SHISA9: variants seen among roughly 807,000 people sequenced by gnomAD.
SHISA9 encodes the protein protein shisa-9.
In SHISA9, 13 loss-of-function variants were observed where a neutral mutation model predicts 38.0. The ratio of observed to expected loss-of-function variants is 0.34; its 90% CI spans 0.22 to 0.54. The LOEUF (loss-of-function observed/expected upper bound fraction) is 0.54. SHISA9 is among the 20% of genes least tolerant of loss of function. The probability of loss-of-function intolerance (pLI) is 0.91; values close to 1 mark genes in which losing one functional copy is unlikely to be tolerated. For missense variants in SHISA9, 538 were observed against 575.8 expected, an observed-to-expected ratio of 0.93 and a Z score of 0.67; for synonymous variants, 275 against 242.0, an observed-to-expected ratio of 1.14 and a Z score of -1.27.
the SHISA9 span, among the ~76,000 whole-genome samples, chr16:13,426,970 C>T: frequency 2.0e-5 from 3 of 152,154 alleles, no homozygotes; most frequent in Non-Finnish European, 1.5e-5. Flanking sequence ...GGCTTAAAAT[C>T]GGAAAGGTTT....
the SHISA9 span, among the ~76,000 whole-genome samples, chr16:13,445,461 C>T: frequency 6.6e-6 from 1 of 152,042 alleles, no homozygotes; most frequent in African/African-American, 2.4e-5. Flanking sequence ...TAAATATTTG[C>T]AGAAAGAACG....
At chr16:13,369,208 T>C in the SHISA9 span, among the ~76,000 whole-genome samples, 1 of 152,194 alleles carries the variant, frequency 6.6e-6, no homozygotes, top group Non-Finnish European at 1.5e-5. Flanking sequence ...TATTTCCGTA[T>C]ATAGAAAGGA....
chr16:13,102,398 T>C (rs927369014), intron 2 of SHISA9, among the ~76,000 whole-genome samples: 18 of 152,180 alleles, frequency 1.2e-4, no homozygotes, highest in Non-Finnish European at 5.9e-5. Context: ...AGAGGTTGAC[T>C]TTCTTCTCTT....
chr16:13,137,461 A>AT (rs576067141), intron 2 of SHISA9, among the ~76,000 whole-genome samples: 5,238 of 144,640 alleles, frequency 0.036, 124 homozygotes, highest in Non-Finnish European at 0.051. Flanking sequence ...TAATCTTTTT[A>AT]TTTTTTTTTT....
the SHISA9 span, among the ~76,000 whole-genome samples, chr16:13,252,299 C>T: frequency 6.6e-6 from 1 of 152,136 alleles, no homozygotes; most frequent in Admixed American, 6.5e-5. Flanking sequence ...ATGTCGTATC[C>T]CTCCTCCAGG....
chr16:13,412,244 C>T, the SHISA9 span, among the ~76,000 whole-genome samples: 1 of 152,108 alleles, frequency 6.6e-6, no homozygotes, highest in East Asian at 1.9e-4. Context: ...AGACTGTCCA[C>T]AGATGCTAAA....
intron 2 of SHISA9, among the ~76,000 whole-genome samples, chr16:12,930,097 T>C (rs2071444200): frequency 6.6e-6 from 1 of 152,198 alleles, no homozygotes; most frequent in African/African-American, 2.4e-5. Flanking sequence ...CTTTCACATT[T>C]TCCCCACAAC....
chr16:13,418,891 G>A, the SHISA9 span, among the ~76,000 whole-genome samples: 1 of 152,238 alleles, frequency 6.6e-6, no homozygotes, highest in Non-Finnish European at 1.5e-5. Flanking sequence ...ACAGCACATT[G>A]CACCTTCCTT....
At chr16:13,167,449 C>A (rs942905976) in intron 2 of SHISA9, among the ~76,000 whole-genome samples, 2 of 152,188 alleles carry the variant, frequency 1.3e-5, no homozygotes, top group African/African-American at 4.8e-5. Flanking sequence ...CCTCCCTTGA[C>A]TTGTGCCTCT....
chr16:13,490,641 C>T, the SHISA9 span, among the ~76,000 whole-genome samples: 20 of 152,278 alleles, frequency 1.3e-4, no homozygotes, highest in Middle Eastern at 3.4e-3. Context: ...CCTCTGGAAA[C>T]GACAGGCTTT....
At chr16:12,991,205 A>G (rs912276391) in intron 2 of SHISA9, among the ~76,000 whole-genome samples, 6 of 148,932 alleles carry the variant, frequency 4.0e-5, no homozygotes, top group Non-Finnish European at 6.1e-5. Flanking sequence ...CCATTTTTCT[A>G]CTGAAGTTGT....
chr16:13,286,614 C>T, the SHISA9 span, among the ~76,000 whole-genome samples: 1 of 152,102 alleles, frequency 6.6e-6, no homozygotes, highest in South Asian at 2.1e-4. Flanking sequence ...AGAAGAAACA[C>T]GTCATCTGCA....
chr16:12,970,501 T>A (rs868568456), intron 2 of SHISA9, among the ~76,000 whole-genome samples: 79 of 24,896 alleles, frequency 3.2e-3, no homozygotes, highest in African/African-American at 6.0e-3. Context: ...ATATATATTT[T>A]TTTTTTTTTT....
At chr16:13,562,908 TAAAA>T in the SHISA9 span, 4 of 145,208 alleles carry the variant, frequency 2.8e-5, no homozygotes, top group African/African-American at 1.0e-4. Flanking sequence ...AAATAAAAAT[TAAAA>T]AAAAAAAGCT....
At chr16:13,285,269 C>T in the SHISA9 span, among the ~76,000 whole-genome samples, 37 of 152,152 alleles carry the variant, frequency 2.4e-4, no homozygotes, top group African/African-American at 8.9e-4. Flanking sequence ...GTTTACTGTA[C>T]TTTGAAATTC....
chr16:13,458,522 C>A, the SHISA9 span: 1 of 418,388 alleles, frequency 2.4e-6, no homozygotes. Context: ...TCAACAATGG[C>A]TGAAGAACTA....
the SHISA9 span, among the ~76,000 whole-genome samples, chr16:13,334,773 C>CAAA: frequency 1.2e-4 from 12 of 97,610 alleles, no homozygotes; most frequent in South Asian, 7.2e-4. Context: ...GACTCCATCT[C>CAAA]AAAAAAAAAA....
chr16:13,425,712 C>T, the SHISA9 span, among the ~76,000 whole-genome samples: 2 of 152,216 alleles, frequency 1.3e-5, no homozygotes, highest in Non-Finnish European at 2.9e-5. Context: ...AAGAACCACT[C>T]ATTCACATGA....
At chr16:13,514,239 C>T in the SHISA9 span, among the ~76,000 whole-genome samples, 10 of 151,948 alleles carry the variant, frequency 6.6e-5, no homozygotes, top group African/African-American at 9.6e-5. Flanking sequence ...GTGACCTGCC[C>T]GCCTAGACCT....
Sources: gnomAD v4.1 joint callset for allele counts (sites outside exome capture counted in the v4.1 genomes callset) on GRCh38, gnomAD v4.1.1 for gene constraint, MANE v1.5 for transcripts, NCBI Gene and HGNC (gene_info 2026-07-23, HGNC 2026-07-21) for gene names.